The following PALLD variants were observed in gnomAD, a reference collection of about 807,000 sequenced individuals.
The protein encoded by PALLD is palladin, cytoskeletal associated protein, also known as palladin.
PALLD carries 61 observed loss-of-function variants against 123.5 expected under a neutral mutation model. The ratio of observed to expected loss-of-function variants is 0.49; its 90% CI spans 0.40 to 0.61. The LOEUF (loss-of-function observed/expected upper bound fraction) is 0.61. Ranked by LOEUF, PALLD falls within the 20% of genes least tolerant of loss-of-function variation. The pLI is 0.00. For missense variants in PALLD, 1,273 were observed against 1,377.0 expected (o/e 0.92, Z 1.20); for synonymous variants, 465 against 496.4 (o/e 0.94, Z 0.84).
chr4:168,759,819 T>C (rs867586103), intron 10 of PALLD, among the ~76,000 whole-genome samples: 4 of 151,744 alleles, frequency 2.6e-5, no homozygotes, highest in Non-Finnish European at 5.9e-5. Context: ...CTTTGGGAGG[T>C]GGAGGCAGTG....
At chr4:168,561,040 C>G (rs533732669) in intron 2 of PALLD, among the ~76,000 whole-genome samples, 5 of 152,128 alleles carry the variant, frequency 3.3e-5, no homozygotes, top group African/African-American at 1.2e-4. Context: ...CATTTCAGTG[C>G]CTGTTATTAT....
intron 2 of PALLD, among the ~76,000 whole-genome samples, chr4:168,626,942 G>T (rs1466101026): frequency 6.6e-6 from 1 of 152,130 alleles, no homozygotes; most frequent in Non-Finnish European, 1.5e-5. Flanking sequence ...CAGGGGCTTG[G>T]AGGAAGGAGA....
chr4:168,526,056 C>T (rs1391685304), intron 2 of PALLD, among the ~76,000 whole-genome samples: 1 of 152,108 alleles, frequency 6.6e-6, no homozygotes. Context: ...ATGGCTTTAG[C>T]TCTTTGGAAT....
At position 168,896,796 on chromosome 4, in the gene PALLD, AATTT is replaced by A. The variant is rs554592507; in HGVS notation, c.2250+210_2250+213del. Among the ~76,000 whole-genome samples, 29 of 152,008 alleles carry A rather than the reference AATTT, an allele frequency of 1.9e-4. No individual in the cohort carries two copies. The South Asian group carries it at 4.6e-3, about 24-fold the overall frequency. ...TTCTTGTCATGTATTTACCAGCTTG[AATTT>A]ATTTATTTATTTTTACTTTATGTAT... On this transcript the variant is annotated intron_variant, in intron 13 of 21. Transcript: ENST00000505667.
At chr4:168,676,884 G>A (rs1302056295) in intron 3 of PALLD, among the ~76,000 whole-genome samples, 1 of 152,036 alleles carries the variant, frequency 6.6e-6, no homozygotes, top group Non-Finnish European at 1.5e-5. Context: ...CAGCCAGTAG[G>A]TTTTTAAAAT....
intron 2 of PALLD, among the ~76,000 whole-genome samples, chr4:168,513,617 A>T (rs752214611): frequency 6.6e-6 from 1 of 152,218 alleles, no homozygotes; most frequent in Non-Finnish European, 1.5e-5. Context: ...AAATTAAAGC[A>T]GTACCTTGCA....
chr4:168,629,900 G>C (rs998731703), intron 2 of PALLD, among the ~76,000 whole-genome samples: 19 of 152,156 alleles, frequency 1.2e-4, no homozygotes, highest in Admixed American at 7.2e-4. Context: ...AAGCAAGCAG[G>C]ACCAGTAAAA....
intron 13 of PALLD, 81 bp downstream of exon 13, chr4:168,896,680 C>G (rs1755252163): frequency 3.9e-6 from 3 of 763,862 alleles, no homozygotes; most frequent in South Asian, 1.6e-5. Flanking sequence ...ACGTGTGTTT[C>G]TATCTTTTCT....
intron 2 of PALLD, among the ~76,000 whole-genome samples, chr4:168,540,707 C>G (rs1268744318): frequency 6.6e-6 from 1 of 151,738 alleles, no homozygotes; most frequent in South Asian, 2.1e-4. Context: ...CAATTTTTCT[C>G]TAGCCAAGAA....
intron 5 of PALLD, among the ~76,000 whole-genome samples, chr4:168,684,461 G>A (rs368298265): frequency 2.0e-4 from 30 of 152,226 alleles, no homozygotes; most frequent in African/African-American, 6.7e-4. Flanking sequence ...ACTTCCTAAC[G>A]GAGGGACCTT....
intron 10 of PALLD, among the ~76,000 whole-genome samples, chr4:168,851,756 T>C (rs1747828862): frequency 6.6e-6 from 1 of 152,220 alleles, no homozygotes; most frequent in Non-Finnish European, 1.5e-5. Context: ...AAAATAATTA[T>C]GACTCCCTTA....
intron 17 of PALLD, among the ~76,000 whole-genome samples, chr4:168,917,745 ATTAT>A (rs1399752633): frequency 7.2e-5 from 11 of 152,274 alleles, no homozygotes; most frequent in East Asian, 1.9e-4. Flanking sequence ...TCTTAGGATC[ATTAT>A]TTATTTTTTA....
chr4:168,641,844 C>T (rs902209006), intron 2 of PALLD, among the ~76,000 whole-genome samples: 1 of 152,184 alleles, frequency 6.6e-6, no homozygotes, highest in Non-Finnish European at 1.5e-5. Context: ...CCAGTTTCCC[C>T]AGAGAGGCAT....
At chr4:168,629,536 A>G (rs377633949) in intron 2 of PALLD, among the ~76,000 whole-genome samples, 2 of 152,310 alleles carry the variant, frequency 1.3e-5, no homozygotes, top group East Asian at 1.9e-4. Flanking sequence ...TTAACAAAAG[A>G]AAAATAAAAG....
intron 10 of PALLD, among the ~76,000 whole-genome samples, chr4:168,815,936 T>G (rs1359776753): frequency 1.3e-5 from 2 of 152,204 alleles, no homozygotes; most frequent in Non-Finnish European, 2.9e-5. Context: ...AATTTTTCAG[T>G]TGAGTTAGAC....
At chr4:168,745,724 C>G (rs1470770646) in intron 10 of PALLD, among the ~76,000 whole-genome samples, 1 of 151,944 alleles carries the variant, frequency 6.6e-6, no homozygotes, top group Non-Finnish European at 1.5e-5. Context: ...ATAGTAAACT[C>G]CTAAAATTAA....
chr4:168,844,170 T>A lies in PALLD; in HGVS notation c.1965-46752T>A, dbSNP rs1380831906. Reference sequence around the variant, plus strand: ...TGACAGTTTGTTTTTTGTTTGTTTTTATTTGGGTGCAATTTTTCTAGAAGA... The same window carrying A: ...TGACAGTTTGTTTTTTGTTTGTTTTAATTTGGGTGCAATTTTTCTAGAAGA... On this transcript the variant is annotated intron_variant, in intron 10 of 21. Coordinates refer to ENST00000505667, the MANE Select transcript of PALLD (RefSeq NM_001166108.2). The surrounding 1 kb of genome is among the most constrained non-coding windows in gnomAD (Gnocchi z 4.5). 1 of 152,224 alleles carries A rather than the reference T, an allele frequency of 6.6e-6. No individual in the cohort carries two copies. The highest frequency in any genetic ancestry group is 1.5e-5 in the Non-Finnish European group (1 of 68,050). The allele number at this position is 152,224 out of a possible 1,614,324, so 9.4% of individuals were successfully genotyped here.
In PALLD at chr4:168,512,129, A is replaced by G. The variant is rs1762580221; in HGVS notation, c.625A>G (p.Asn209Asp). 6.2e-7 allele frequency: 1 copy of G among 1,614,180 alleles called. No homozygotes were observed. The highest frequency in any genetic ancestry group is 8.5e-7 in the Non-Finnish European group (1 of 1,180,034). Residue 209 changes from asparagine to aspartate, a missense_variant, in exon 2 of 22, where the codon AAT becomes GAT. Physicochemically the swap from Asn to Asp is conservative, Grantham distance 23. This residue lies in a region of PALLD where 944 missense variants were observed against 954.5 expected (regional missense o/e 0.99). Transcript: ENST00000505667. ...SPDSGYLSPK[N>D]QPSALLSASA... Reference sequence around the variant, plus strand: ...AGACAGTGGGTACCTGTCTCCTAAAAATCAGCCGTCAGCCCTGCTGAGTGC... The same window carrying G: ...AGACAGTGGGTACCTGTCTCCTAAAGATCAGCCGTCAGCCCTGCTGAGTGC...
chr4:168,751,743 G>T lies in PALLD; in HGVS notation c.1964+39820G>T, dbSNP rs1272408528. Among the ~76,000 whole-genome samples, 17 of 152,190 alleles carry T rather than the reference G, an allele frequency of 1.1e-4. 1 individual carries two copies. Reference sequence around the variant, plus strand: ...GTAGGACAGTAACCTGCTAGCAAATGTAGACTAAATAAACACTGGATCATT... The same window carrying T: ...GTAGGACAGTAACCTGCTAGCAAATTTAGACTAAATAAACACTGGATCATT... On this transcript the variant is annotated intron_variant, in intron 10 of 21. Coordinates refer to ENST00000505667, the MANE Select transcript of PALLD (RefSeq NM_001166108.2).
Sources: allele counts gnomAD v4.1 joint callset (sites outside exome capture counted in the v4.1 genomes callset), GRCh38; gene constraint gnomAD v4.1.1; regional missense constraint gnomAD v4.1.1; non-coding constraint Gnocchi (gnomAD v3.1); transcripts MANE v1.5; gene names NCBI Gene and HGNC (gene_info 2026-07-23, HGNC 2026-07-21).